Variants in EBF3 observed in about 807,000 individuals in gnomAD.
EBF3 encodes transcription factor COE3.
Under a neutral mutation model 77.1 loss-of-function variants are expected in EBF3, and 18 were observed. The ratio of observed to expected loss-of-function variants is 0.23; its 90% confidence interval spans 0.16 to 0.35. EBF3 has a LOEUF of 0.35. EBF3 is among the 10% of genes least tolerant of loss of function. EBF3 has a pLI of 1.00. For missense variants in EBF3, 558 were observed against 860.0 expected (o/e 0.65, Z 4.39); for synonymous variants, 350 against 343.5 (o/e 1.02, Z -0.21).
chr10:129,905,051 C>T (rs1168102208), intron 6 of EBF3, among the ~76,000 whole-genome samples: 2 of 152,256 alleles, frequency 1.3e-5, no homozygotes, highest in African/African-American at 4.8e-5. Context: ...TGAGTTCGTC[C>T]CACTAGAGAT....
At position 129,841,046 on chromosome 10, in the gene EBF3, C is replaced by CCG; in HGVS notation, c.1373-15_1373-14insCG. The stretch of plus-strand genomic sequence containing the variant: ...GACTGTAGCCGACTGTTGAAATCCC[C>CCG]CCCCCGGCCAAAAATAACATTATTA... On this transcript the variant is annotated splice_polypyrimidine_tract_variant and intron_variant, in intron 13 of 16. Transcript: ENST00000440978. The surrounding 1 kb of genome is among the most constrained non-coding windows in gnomAD (Gnocchi z 4.6). 3 of 1,602,598 alleles carry CCG rather than the reference C, an allele frequency of 1.9e-6. No homozygotes were observed. The highest frequency in any genetic ancestry group is 2.6e-6 in the Non-Finnish European group (3 of 1,174,594).
Position 129,842,968 on chromosome 10 carries a change from G to A in EBF3, c.1194+169C>T, listed in dbSNP as rs538638611. 5.1e-4 allele frequency among the ~76,000 whole-genome samples: 78 copies of A among 152,104 alleles called. 1 individual carries two copies. The highest frequency in any genetic ancestry group is 1.7e-3 in the African/African-American group (72 of 41,494). Reference sequence around the variant, plus strand: ...CCTGACACCAACTCATCATTTCTACGTGAACCTAGCGTGAGGGCAAGGATG... The same window carrying A: ...CCTGACACCAACTCATCATTTCTACATGAACCTAGCGTGAGGGCAAGGATG... On this transcript the variant is annotated intron_variant, in intron 12 of 16. Transcript: ENST00000440978. This position sits in a 1 kb window ranked among gnomAD's most constrained non-coding sequence, Gnocchi z 4.4.
intron 6 of EBF3, among the ~76,000 whole-genome samples, chr10:129,910,145 G>A (rs577820248): frequency 4.4e-4 from 67 of 152,332 alleles, no homozygotes; most frequent in African/African-American, 1.6e-3. Context: ...CGGGCCAGGG[G>A]CCATGTGGGG....
intron 6 of EBF3, among the ~76,000 whole-genome samples, chr10:129,882,406 C>T (rs1212959791): frequency 6.6e-6 from 1 of 152,206 alleles, no homozygotes; most frequent in Non-Finnish European, 1.5e-5. Context: ...AATGGAATAT[C>T]AAGGAGTCCG....
chr10:129,916,269 C>T (rs1411695493), intron 6 of EBF3, among the ~76,000 whole-genome samples: 2 of 152,216 alleles, frequency 1.3e-5, no homozygotes, highest in Non-Finnish European at 2.9e-5. Flanking sequence ...ACCACATGCC[C>T]ACCAGCTCTG....
intron 6 of EBF3, among the ~76,000 whole-genome samples, chr10:129,918,817 C>T (rs1370629977): frequency 6.6e-6 from 1 of 152,240 alleles, no homozygotes; most frequent in Non-Finnish European, 1.5e-5. Context: ...TCTTGGTTTA[C>T]TCATAGTGAG....
intron 6 of EBF3, among the ~76,000 whole-genome samples, chr10:129,904,250 C>T (rs1048488747): frequency 6.6e-6 from 1 of 152,180 alleles, no homozygotes. Flanking sequence ...GACAATGACA[C>T]TTGGTATATT....
At chr10:129,914,067 G>A (rs1855705340) in intron 6 of EBF3, among the ~76,000 whole-genome samples, 2 of 152,218 alleles carry the variant, frequency 1.3e-5, no homozygotes, top group Admixed American at 1.3e-4. Context: ...TTGGAAGTAT[G>A]AGATCCCAAT....
intron 11 of EBF3, chr10:129,845,884 G>C (rs1850419117): frequency 6.7e-6 from 1 of 149,114 alleles, no homozygotes; most frequent in African/African-American, 2.5e-5. Context: ...AATATAATTT[G>C]TTAGAGCACA....
chr10:129,893,614 A>G (rs1457113230), intron 6 of EBF3, among the ~76,000 whole-genome samples: 1 of 152,238 alleles, frequency 6.6e-6, no homozygotes, highest in Non-Finnish European at 1.5e-5. Context: ...CAGCTCTGAC[A>G]ATTTCCCCTG....
intron 6 of EBF3, among the ~76,000 whole-genome samples, chr10:129,900,391 G>T (rs983943917): frequency 6.6e-6 from 1 of 152,214 alleles, no homozygotes; most frequent in African/African-American, 2.4e-5. Flanking sequence ...GAGCAAGGAT[G>T]GGGGGTAGGA....
chr10:129,919,274 A>G (rs1217779462), intron 6 of EBF3, among the ~76,000 whole-genome samples: 2 of 152,132 alleles, frequency 1.3e-5, no homozygotes, highest in African/African-American at 2.4e-5. Context: ...TTGGGGTTCC[A>G]GATTCTGACA....
intron 6 of EBF3, among the ~76,000 whole-genome samples, chr10:129,887,022 G>T (rs1853634443): frequency 6.9e-6 from 1 of 144,166 alleles, no homozygotes. Flanking sequence ...GTAAGCACAG[G>T]CCCGGGGAAG....
chr10:129,857,448 C>T (rs111927573), intron 10 of EBF3, among the ~76,000 whole-genome samples: 13 of 152,274 alleles, frequency 8.5e-5, no homozygotes, highest in African/African-American at 2.2e-4. Flanking sequence ...AACTCCTCAA[C>T]GCCTGCTGCT....
At chr10:129,860,264 C>T (rs1319549812) in intron 10 of EBF3, among the ~76,000 whole-genome samples, 2 of 151,958 alleles carry the variant, frequency 1.3e-5, no homozygotes, top group Non-Finnish European at 2.9e-5. Context: ...CCCTGCAGCA[C>T]CGAGAAGGAC....
rs1850076415 is a variant in EBF3 at position 129,841,758 on chromosome 10, G to C, written c.1372+358C>G. Among the ~76,000 whole-genome samples, 1 of 152,154 alleles carries C rather than the reference G, an allele frequency of 6.6e-6. No homozygotes were observed. Among genetic ancestry groups the C allele is most frequent in the Non-Finnish European group, 1.5e-5 (1 of 68,020 alleles). On this transcript the variant is annotated intron_variant, in intron 13 of 16. Coordinates refer to ENST00000440978, the MANE Select transcript of EBF3 (RefSeq NM_001375380.1). The surrounding 1 kb of genome is among the most constrained non-coding windows in gnomAD (Gnocchi z 4.6). Reference sequence around the variant, plus strand: ...AAATCCCGCCGTGCAGTGCGTCCAAGCAGGCTCCCCTCAGCTCCCTAGGCC... The same window carrying C: ...AAATCCCGCCGTGCAGTGCGTCCAACCAGGCTCCCCTCAGCTCCCTAGGCC...
At chr10:129,883,487 G>T (rs112707750) in intron 6 of EBF3, among the ~76,000 whole-genome samples, 75 of 152,292 alleles carry the variant, frequency 4.9e-4, no homozygotes, top group African/African-American at 1.3e-3. Context: ...TTAAGGCAGA[G>T]AGCTCTTAAT....
intron 6 of EBF3, among the ~76,000 whole-genome samples, chr10:129,899,704 G>A (rs1048894123): frequency 5.3e-5 from 8 of 152,084 alleles, no homozygotes; most frequent in South Asian, 2.1e-4. Flanking sequence ...CGGAAAGGAC[G>A]CCAGCACCGT....
chr10:129,923,460 G>A (rs1856448734), intron 6 of EBF3, among the ~76,000 whole-genome samples: 1 of 152,246 alleles, frequency 6.6e-6, no homozygotes, highest in African/African-American at 2.4e-5. Flanking sequence ...CAATGGGACA[G>A]AATGGAGAGC....
Sources: allele counts gnomAD v4.1 joint callset (sites outside exome capture counted in the v4.1 genomes callset), GRCh38; gene constraint gnomAD v4.1.1; non-coding constraint Gnocchi (gnomAD v3.1); transcripts MANE v1.5; gene names NCBI Gene and HGNC (gene_info 2026-07-23, HGNC 2026-07-21).